Variants in SGCD observed in about 807,000 individuals in gnomAD.
SGCD encodes the protein sarcoglycan delta.
SGCD carries 18 observed loss-of-function variants against 36.6 expected under a neutral mutation model. That is an observed-to-expected ratio of 0.49 (90% confidence interval 0.34 to 0.73). SGCD has a LOEUF of 0.73. SGCD is among the 30% of genes least tolerant of loss of function. SGCD has a pLI of 0.01. For synonymous variants in SGCD, 133 were observed against 130.6 expected, an observed-to-expected ratio of 1.02 and a Z score of -0.12; for missense variants, 387 against 346.7, an observed-to-expected ratio of 1.12 and a Z score of -0.92.
intron 3 of SGCD, among the ~76,000 whole-genome samples, chr5:156,425,004 A>T (rs1005491411): frequency 3.3e-5 from 5 of 152,096 alleles, no homozygotes; most frequent in African/African-American, 1.2e-4. Context: ...CATGTTCAGC[A>T]TAAACCCTAT....
At chr5:155,991,571 AG>A (rs369394031) in intron 1 of SGCD, among the ~76,000 whole-genome samples, 221 of 152,342 alleles carry the variant, frequency 1.5e-3, no homozygotes, top group African/African-American at 5.2e-3. Context: ...AAAGATTACA[AG>A]TTATGCTAAT....
In SGCD at chr5:156,536,450, G is replaced by A. The variant is rs192574578; in HGVS notation, c.294+27748G>A. ...CCTGTTATAGGACTTAGTCATCATC[G>A]CATTTATTTGACCATGTCATTGCTT... is the stretch of plus-strand genomic sequence containing the variant. On this transcript the variant is annotated intron_variant, in intron 4 of 8. Transcript: ENST00000337851. Among the ~76,000 whole-genome samples, 257 of 152,252 alleles carry A rather than the reference G, an allele frequency of 1.7e-3. 1 individual carries two copies. The highest frequency in any genetic ancestry group is 5.7e-3 in the African/African-American group (236 of 41,548).
At chr5:155,931,507 T>C (rs148719665) in intron 1 of SGCD, among the ~76,000 whole-genome samples, 1 of 152,322 alleles carries the variant, frequency 6.6e-6, no homozygotes, top group African/African-American at 2.4e-5. Flanking sequence ...CAATTGTTTC[T>C]CTATAAGGAT....
chr5:155,851,202 T>A, the SGCD span, among the ~76,000 whole-genome samples: 1 of 152,156 alleles, frequency 6.6e-6, no homozygotes, highest in Non-Finnish European at 1.5e-5. Context: ...TATGGCGACA[T>A]GCAGTGTGTT....
chr5:155,992,311 C>G (rs1758448354), intron 1 of SGCD, among the ~76,000 whole-genome samples: 1 of 152,128 alleles, frequency 6.6e-6, no homozygotes, highest in African/African-American at 2.4e-5. Flanking sequence ...ACTCTATTTT[C>G]TTTGCTAAGG....
At chr5:155,883,544 G>C (rs1169568998) in intron 1 of SGCD, among the ~76,000 whole-genome samples, 1 of 152,066 alleles carries the variant, frequency 6.6e-6, no homozygotes, top group Non-Finnish European at 1.5e-5. Context: ...AGAATGGCTG[G>C]TTGGTGGAAC....
chr5:156,430,986 G>A (rs1000514411), intron 3 of SGCD, among the ~76,000 whole-genome samples: 4 of 152,124 alleles, frequency 2.6e-5, no homozygotes, highest in African/African-American at 7.2e-5. Context: ...CCCTGGGTAG[G>A]GACTGGTTGT....
At chr5:156,087,503 G>A (rs1171657849) in intron 1 of SGCD, among the ~76,000 whole-genome samples, 1 of 152,014 alleles carries the variant, frequency 6.6e-6, no homozygotes, top group Non-Finnish European at 1.5e-5. Context: ...AGCTGGGCAT[G>A]GTGGCATGTG....
intron 3 of SGCD, among the ~76,000 whole-genome samples, chr5:156,379,087 A>G (rs953388136): frequency 2.0e-5 from 3 of 152,180 alleles, no homozygotes; most frequent in African/African-American, 7.2e-5. Flanking sequence ...TATTGAAAGT[A>G]CCTATCAGAT....
chr5:155,989,539 C>T lies in SGCD; in HGVS notation c.-282+119115C>T, dbSNP rs59207540. The stretch of plus-strand genomic sequence containing the variant: ...GTTTGTTATTCGCTCTCTCACCTCT[C>T]AAATCTCCTTTCCAATCAAAGACTG... On this transcript the variant is annotated intron_variant, in intron 1 of 9. Coordinates refer to the SGCD transcript ENST00000517913. 7.1e-3 allele frequency among the ~76,000 whole-genome samples: 1,074 copies of T among 152,208 alleles called. 11 individuals carry two copies. The highest frequency in any genetic ancestry group is 0.024 in the African/African-American group (993 of 41,544).
At chr5:155,859,629 T>C in the SGCD span, among the ~76,000 whole-genome samples, 1 of 152,232 alleles carries the variant, frequency 6.6e-6, no homozygotes, top group African/African-American at 2.4e-5. Context: ...GTTTTTGTTT[T>C]TTCACTTAGC....
chr5:155,989,859 A>C (rs1205396977), intron 1 of SGCD, among the ~76,000 whole-genome samples: 1 of 152,218 alleles, frequency 6.6e-6, no homozygotes, highest in Non-Finnish European at 1.5e-5. Flanking sequence ...TACAGGACTA[A>C]AATGCCCTTG....
At chr5:155,804,108 G>T in the SGCD span, among the ~76,000 whole-genome samples, 131,230 of 152,172 alleles carry the variant, frequency 0.86, 56,703 homozygotes, top group East Asian at 0.99. Flanking sequence ...GGAGTTGGAC[G>T]TGACCTCTGT....
At chr5:156,708,928 G>C in intron 7 of SGCD, among the ~76,000 whole-genome samples, 1 of 152,074 alleles carries the variant, frequency 6.6e-6, no homozygotes, top group Non-Finnish European at 1.5e-5. Context: ...TAAACATATG[G>C]GGAACCTAAT....
chr5:156,111,083 C>A (rs1222591917), intron 1 of SGCD, among the ~76,000 whole-genome samples: 2 of 152,236 alleles, frequency 1.3e-5, no homozygotes, highest in Non-Finnish European at 1.5e-5. Flanking sequence ...GGCAGATGGA[C>A]ACAACCTCCT....
chr5:156,074,830 A>C (rs1393479013), intron 1 of SGCD, among the ~76,000 whole-genome samples: 2 of 152,246 alleles, frequency 1.3e-5, no homozygotes, highest in Non-Finnish European at 2.9e-5. Context: ...GTGTGCTAAC[A>C]ACAGTCACAC....
At chr5:156,408,974 G>A (rs376858032) in intron 3 of SGCD, among the ~76,000 whole-genome samples, 27 of 152,208 alleles carry the variant, frequency 1.8e-4, no homozygotes, top group African/African-American at 5.8e-4. Flanking sequence ...TTTCTCCCTA[G>A]TGAATGGGGC....
chr5:155,939,829 CA>C (rs1199272994), intron 1 of SGCD, among the ~76,000 whole-genome samples: 1 of 148,540 alleles, frequency 6.7e-6, no homozygotes, highest in Non-Finnish European at 1.5e-5. Context: ...TGCTCATATC[CA>C]AATGTCTCTT....
chr5:155,825,738 T>TG, the SGCD span, among the ~76,000 whole-genome samples: 2 of 135,326 alleles, frequency 1.5e-5, no homozygotes, highest in African/African-American at 2.7e-5. Flanking sequence ...GTTTTTTTTT[T>TG]TTTGTTGTTG....
Sources: gnomAD v4.1 joint callset for allele counts (sites outside exome capture counted in the v4.1 genomes callset) on GRCh38, gnomAD v4.1.1 for gene constraint, MANE v1.5 for transcripts, NCBI Gene and HGNC (gene_info 2026-07-23, HGNC 2026-07-21) for gene names.